TCAP: variants seen among roughly 807,000 people sequenced by gnomAD.
TCAP encodes the protein telethonin.
A neutral mutation model predicts 16.6 loss-of-function variants in TCAP; 14 were observed. The observed-to-expected ratio is 0.84, with a 90% confidence interval of 0.56 to 1.32. The LOEUF (loss-of-function observed/expected upper bound fraction) is 1.32, where lower values mean the gene tolerates loss of function less well. Ranked by LOEUF, TCAP falls within the 40% of genes most tolerant of loss-of-function variation. TCAP has a pLI of 0.00. For missense variants in TCAP, 212 were observed against 223.5 expected, an observed-to-expected ratio of 0.95 and a Z score of 0.33; for synonymous variants, 97 against 93.2, an observed-to-expected ratio of 1.04 and a Z score of -0.23.
At position 39,666,437 on chromosome 17, in the gene TCAP, A is replaced by C. The variant is rs532000115; in HGVS notation, c.*328A>C. On this transcript the variant is annotated 3_prime_UTR_variant, in exon 2 of 2. Transcript: ENST00000309889. ...CCAGGAAAATGTGAGGGGAATCTGGAACGCTCTAGGCAGAAGAAGCTGGGA... is the reference window on the plus strand; with the variant it reads ...CCAGGAAAATGTGAGGGGAATCTGGCACGCTCTAGGCAGAAGAAGCTGGGA... 1 of 462,148 alleles carries C rather than the reference A, an allele frequency of 2.2e-6. No individual in the cohort carries two copies. The highest frequency in any genetic ancestry group is 3.9e-5 in the East Asian group (1 of 25,478). The allele number at this position is 462,148 out of a possible 1,614,324, so 28.6% of individuals were successfully genotyped here.
intron 1 of TCAP, 106 bp from the exon 2 acceptor site, chr17:39,665,610 C>G (rs1420208005): frequency 6.3e-6 from 9 of 1,425,624 alleles, no homozygotes; most frequent in South Asian, 6.2e-5. Flanking sequence ...AAAGGGGAAC[C>G]ACCCTTCCTG....
In TCAP at chr17:39,665,517, C is replaced by T. The variant is rs2941510; in HGVS notation, c.110+48C>T. ...CCTGCCTCTGCTCCCCCAGAGCACC[C>T]TCACTGAGCCATGAGGCCAGAGCAT... On this transcript the variant is annotated intron_variant, in intron 1 of 1. Transcript: ENST00000309889. 84,554 of 1,565,592 alleles carry T rather than the reference C, an allele frequency of 0.054. 2,767 individuals are homozygous for T. Among genetic ancestry groups the T allele is most frequent in the African/African-American group, 0.069 (5,101 of 74,076 alleles).
At position 39,665,768 on chromosome 17, in the gene TCAP, G is replaced by A. The variant is rs1334172243; in HGVS notation, c.163G>A (p.Gly55Arg). The change falls in exon 2 of 2, where the codon GGG (glycine) becomes AGG (arginine). Residue 55 changes from glycine to arginine, a missense_variant. By Grantham distance (125) the Gly-to-Arg change is moderately radical. Transcript: ENST00000309889. ...GAGACATGAGACCTACCACCAGCAG[G>A]GGCAGTGCCAGGTGCTGGTGCAGCG... The part of the protein sequence containing the change: ...TQRHETYHQQ[G>R]QCQVLVQRSP... 1.9e-6 allele frequency: 3 copies of A among 1,610,292 alleles called. No homozygotes were observed. The highest frequency in any genetic ancestry group is 2.2e-5 in the South Asian group (2 of 90,552).
Position 39,665,854 on chromosome 17 carries a change from G to A in TCAP, c.249G>A (p.Leu83=). The A allele has an allele frequency of 1.2e-6, 2 of 1,610,370 alleles. No homozygotes were observed. Among genetic ancestry groups the A allele is most frequent in the South Asian group, 1.1e-5 (1 of 90,742 alleles). The part of the protein sequence containing the change: ...ILGRGLQEYQ[L]PYQRVLPLPI... ...GCCGTGGGCTGCAGGAGTACCAGCT[G>A]CCCTACCAGCGGGTACTGCCGCTGC... The change falls in exon 2 of 2, where the codon CTG becomes CTA. Residue 83 remains leucine (L), a synonymous_variant. Transcript: ENST00000309889.
chr17:39,665,560 T>G (rs2057248344), intron 1 of TCAP, 91 bp downstream of exon 1: 1 of 1,473,784 alleles, frequency 6.8e-7, no homozygotes, highest in South Asian at 1.2e-5. Flanking sequence ...TGGAGAAATT[T>G]CTGGGGGTGG....
In TCAP at chr17:39,665,837, C is replaced by T; in HGVS notation, c.232C>T (p.Leu78=). ...MMRMGILGRG[L]QEYQLPYQRV... ...GCGGATGGGCATCCTCGGCCGTGGG[C>T]TGCAGGAGTACCAGCTGCCCTACCA... The change falls in exon 2 of 2, where the codon CTG becomes TTG. Residue 78 remains leucine, a synonymous_variant. Transcript: ENST00000309889. 1 of 1,609,070 alleles carries T rather than the reference C, an allele frequency of 6.2e-7. No individual in the cohort carries two copies. Among genetic ancestry groups the T allele is most frequent in the Non-Finnish European group, 8.5e-7 (1 of 1,178,168 alleles).
intron 1 of TCAP, 33 bp downstream of exon 1, chr17:39,665,502 C>T: frequency 6.3e-7 from 1 of 1,594,540 alleles, no homozygotes; most frequent in Non-Finnish European, 8.6e-7. Flanking sequence ...CCTGCCTCTG[C>T]TCCCCCAGAG....
Position 39,666,198 on chromosome 17 carries a change from G to A in TCAP, c.*89G>A, listed in dbSNP as rs2057255124. ...TGGAGGGGAGCTGCTGGCCATGGCT[G>A]CTTTGTAGTTTGCCCAGAGTTGGGG... On this transcript the variant is annotated 3_prime_UTR_variant, in exon 2 of 2. Transcript: ENST00000309889. The A allele has an allele frequency of 6.4e-7, 1 of 1,555,360 alleles. No homozygotes were observed. The highest frequency in any genetic ancestry group is 8.7e-7 in the Non-Finnish European group (1 of 1,146,356).
Position 39,665,904 on chromosome 17 carries a change from G to A in TCAP, c.299G>A (p.Gly100Asp). ...CCCATCTTCACCCCTGCCAAGATGGGCGCCACCAAGGAGGAGCGTGAGGAC... is the reference window on the plus strand; with the variant it reads ...CCCATCTTCACCCCTGCCAAGATGGACGCCACCAAGGAGGAGCGTGAGGAC... ...PLPIFTPAKM[G>D]ATKEEREDTP... The change falls in exon 2 of 2, where the codon GGC (glycine) becomes GAC (aspartate). Residue 100 changes from glycine (G) to aspartate (D), a missense_variant. Coordinates refer to ENST00000309889, the MANE Select transcript of TCAP (RefSeq NM_003673.4). 1.2e-6 allele frequency: 2 copies of A among 1,612,640 alleles called. No homozygotes were observed. The highest frequency in any genetic ancestry group is 1.7e-6 in the Non-Finnish European group (2 of 1,179,868).
rs1435437660 is a variant in TCAP, at chr17:39,665,771, C to T, written c.166C>T (p.Gln56Ter). 2 of 1,609,894 alleles carry T rather than the reference C, an allele frequency of 1.2e-6. No homozygotes were observed. Among genetic ancestry groups the T allele is most frequent in the Non-Finnish European group, 1.7e-6 (2 of 1,178,594 alleles). Residue 56 changes from glutamine to a stop codon, truncating the protein, a stop_gained, in exon 2 of 2, where the codon CAG (glutamine) becomes TAG (stop). Transcript: ENST00000309889. LOFTEE classifies it high-confidence loss of function. ...QRHETYHQQGQCQVLVQRSPW... is the reference protein window; with the variant it reads ...QRHETYHQQG ...ACATGAGACCTACCACCAGCAGGGG[C>T]AGTGCCAGGTGCTGGTGCAGCGCTC...
In TCAP at chr17:39,666,096, CACAG is replaced by C; in HGVS notation, c.493_496del (p.Gln165GlufsTer22). The stretch of plus-strand genomic sequence containing the variant: ...CTGTCCCGCTCCATGTCCCAGGAAG[CACAG>C]AGAGGCTGAGAGGGACTGTGACTTG... On this transcript the variant is annotated frameshift_variant, in exon 2 of 2. Transcript: ENST00000309889. LOFTEE classifies it high-confidence loss of function. 1 of 1,600,564 alleles carries C rather than the reference CACAG, an allele frequency of 6.2e-7. No individual in the cohort carries two copies. The highest frequency in any genetic ancestry group is 1.1e-5 in the South Asian group (1 of 91,086).
rs761260032 is a variant in TCAP, at chr17:39,665,704, C to T, written c.111-12C>T. On this transcript the variant is annotated splice_polypyrimidine_tract_variant and intron_variant, in intron 1 of 1. Transcript: ENST00000309889. ...AGCTCCCAGGAGCTCACTGCCCCTC[C>T]CCTCTCCCCAGCTGCTCCCTGCATG... 1 of 1,606,426 alleles carries T rather than the reference C, an allele frequency of 6.2e-7. No homozygotes were observed. Among genetic ancestry groups the T allele is most frequent in the Non-Finnish European group, 8.5e-7 (1 of 1,177,456 alleles).
rs2145075203 is a variant in TCAP at position 39,666,115 on chromosome 17, A to T, written c.*6A>T. The T allele has an allele frequency of 6.3e-7, 1 of 1,599,234 alleles. No homozygotes were observed. Among genetic ancestry groups the T allele is most frequent in the Non-Finnish European group, 8.5e-7 (1 of 1,179,854 alleles). ...AGGAAGCACAGAGAGGCTGAGAGGG[A>T]CTGTGACTTGGGCTCCGCTGTGCCC... On this transcript the variant is annotated 3_prime_UTR_variant, in exon 2 of 2. Coordinates refer to ENST00000309889, the MANE Select transcript of TCAP (RefSeq NM_003673.4).
Position 39,666,317 on chromosome 17 carries a change from G to C in TCAP, c.*208G>C, listed in dbSNP as rs1424122876. 2 of 674,890 alleles carry C rather than the reference G, an allele frequency of 3.0e-6. No individual in the cohort carries two copies. Among genetic ancestry groups the C allele is most frequent in the Non-Finnish European group, 5.1e-6 (2 of 391,680 alleles). 41.8% of individuals were successfully genotyped at this position (674,890 alleles called of 1,614,324 possible). A position where few individuals can be genotyped will look rare whatever the true frequency, so the allele number is the denominator to read the frequency against. ...AGACAGTGGGCACTAAGGGTGGAGA[G>C]TTGGGGGCCAGCACAGCTGAGGACC... On this transcript the variant is annotated 3_prime_UTR_variant, in exon 2 of 2. Transcript: ENST00000309889.
Position 39,665,625 on chromosome 17 carries a change from C to T in TCAP, c.111-91C>T, listed in dbSNP as rs2057248877. 2.7e-6 allele frequency: 4 copies of T among 1,460,064 alleles called. No individual in the cohort carries two copies. In the African/African-American group the frequency reaches 4.2e-5, roughly 15 times the overall value. The allele number at this position is 1,460,064 out of a possible 1,614,324, so 90.4% of individuals were successfully genotyped here. On this transcript the variant is annotated intron_variant, in intron 1 of 1. Coordinates refer to ENST00000309889, the MANE Select transcript of TCAP (RefSeq NM_003673.4). ...AAAGGGGAACCACCCTTCCTGCCCC[C>T]AGGTCCCAGCAGCCCAGGGGAGCCC...
Position 39,665,772 on chromosome 17 carries a change from A to C in TCAP, c.167A>C (p.Gln56Pro). Residue 56 changes from glutamine to proline, a missense_variant, in exon 2 of 2, where the codon CAG (glutamine) becomes CCG (proline). Gln to Pro is a moderately conservative substitution (Grantham distance 76). Transcript: ENST00000309889. ...QRHETYHQQGQCQVLVQRSPW... is the reference protein window; with the variant it reads ...QRHETYHQQGPCQVLVQRSPW... ...CATGAGACCTACCACCAGCAGGGGCAGTGCCAGGTGCTGGTGCAGCGCTCG... is the reference window on the plus strand; with the variant it reads ...CATGAGACCTACCACCAGCAGGGGCCGTGCCAGGTGCTGGTGCAGCGCTCG... 1.2e-6 allele frequency: 2 copies of C among 1,610,154 alleles called. No homozygotes were observed. Among genetic ancestry groups the C allele is most frequent in the South Asian group, 1.1e-5 (1 of 90,492 alleles).
chr17:39,666,193 T>G lies in TCAP; in HGVS notation c.*84T>G. The G allele has an allele frequency of 1.3e-6, 2 of 1,541,922 alleles. No homozygotes were observed. The highest frequency in any genetic ancestry group is 8.8e-7 in the Non-Finnish European group (1 of 1,133,238). ...GACTGTGGAGGGGAGCTGCTGGCCA[T>G]GGCTGCTTTGTAGTTTGCCCAGAGT... On this transcript the variant is annotated 3_prime_UTR_variant, in exon 2 of 2. Coordinates refer to ENST00000309889, the MANE Select transcript of TCAP (RefSeq NM_003673.4).
rs2057250048 is a variant in TCAP, at chr17:39,665,753, A to G, written c.148A>G (p.Thr50Ala). The change falls in exon 2 of 2, where the codon ACC (threonine) becomes GCC (alanine). Residue 50 changes from threonine (T) to alanine (A), a missense_variant. By Grantham distance (58) the Thr-to-Ala change is moderately conservative. Coordinates refer to ENST00000309889, the MANE Select transcript of TCAP (RefSeq NM_003673.4). ...TGAGGAGGACACCCAGAGACATGAG[A>G]CCTACCACCAGCAGGGGCAGTGCCA... ...LHEEDTQRHE[T>A]YHQQGQCQVL... is the part of the protein sequence containing the mutation. 2.5e-6 allele frequency: 4 copies of G among 1,610,752 alleles called. No homozygotes were observed. Among genetic ancestry groups the G allele is most frequent in the South Asian group, 1.1e-5 (1 of 90,622 alleles).
At position 39,666,032 on chromosome 17, in the gene TCAP, G is replaced by A. The variant is rs1336236140; in HGVS notation, c.427G>A (p.Val143Met). 1.2e-6 allele frequency: 2 copies of A among 1,610,298 alleles called. No individual in the cohort carries two copies. The highest frequency in any genetic ancestry group is 1.7e-6 in the Non-Finnish European group (2 of 1,179,924). ...TGAGATCACAAAGCAGCTGCCCCCT[G>A]TGGTGCCTGTCAGCAAGCCCGGTGC... ...VAEITKQLPP[V>M]VPVSKPGALR... Residue 143 changes from valine (V) to methionine (M), a missense_variant, in exon 2 of 2, where the codon GTG (valine) becomes ATG (methionine). Val to Met is a conservative substitution (Grantham distance 21, BLOSUM62 1). Transcript: ENST00000309889.
Sources: gnomAD v4.1 joint callset for allele counts on GRCh38, gnomAD v4.1.1 for gene constraint, MANE v1.5 for transcripts, NCBI Gene and HGNC (gene_info 2026-07-23, HGNC 2026-07-21) for gene names.